LRRC47: variants seen among roughly 807,000 people sequenced by gnomAD.
LRRC47 encodes the protein leucine-rich repeat-containing protein 47.
A neutral mutation model predicts 40.9 loss-of-function variants in LRRC47; 31 were observed. That is an observed-to-expected ratio of 0.76 (90% CI 0.57 to 1.02). The LOEUF (loss-of-function observed/expected upper bound fraction) is 1.02, where lower values mean the gene tolerates loss of function less well. Among genes scored for constraint, LRRC47 ranks in the 50% least tolerant of loss-of-function variants. The pLI, the probability that LRRC47 is intolerant of heterozygous loss-of-function variation, is 0.00. For missense variants in LRRC47, 726 were observed against 796.1 expected, an observed-to-expected ratio of 0.91 and a Z score of 1.06; for synonymous variants, 427 against 371.9, an observed-to-expected ratio of 1.15 and a Z score of -1.70.
At chr1:3,784,276 T>C (rs1643549625) in intron 3 of LRRC47, 165 bp from the exon 4 acceptor site, 6 of 622,286 alleles carry the variant, frequency 9.6e-6, no homozygotes, top group African/African-American at 3.7e-5. Flanking sequence ...AGAAGCTGCA[T>C]GTGGGCTGCC....
rs1225125592 is a variant in LRRC47, at chr1:3,783,871, CT to C, written c.1310+124del. On this transcript the variant is annotated intron_variant, in intron 4 of 6. Coordinates refer to ENST00000378251, the MANE Select transcript of LRRC47 (RefSeq NM_020710.3). ...GGAAAGAGAATGCTTTCTTTGTACC[CT>C]GTTAAGAAGCTTCTGGGTTCTGGTA... is the stretch of plus-strand genomic sequence containing the variant. 5 of 717,068 alleles carry C rather than the reference CT, an allele frequency of 7.0e-6. 1 individual carries two copies. The South Asian group carries it at 7.3e-5, about 10-fold the overall frequency. The allele number at this position is 717,068 out of a possible 1,614,324, so 44.4% of individuals were successfully genotyped here.
At chr1:3,794,629 C>T (rs12750187) in intron 1 of LRRC47, among the ~76,000 whole-genome samples, 84,918 of 151,698 alleles carry the variant, frequency 0.56, 26,327 homozygotes, top group African/African-American at 0.83. Context: ...TGTGAGCCAC[C>T]GCGCCCGGCC....
At chr1:3,790,837 C>T (rs780228895) in intron 1 of LRRC47, among the ~76,000 whole-genome samples, 23 of 152,180 alleles carry the variant, frequency 1.5e-4, no homozygotes, top group Non-Finnish European at 2.6e-4. Context: ...GGAGCCAGGC[C>T]GAGCTGCTTC....
chr1:3,780,779 C>A lies in LRRC47; in HGVS notation c.*309G>T. ...GATCATGAGGTCAAGAGATCAAGAC[C>A]ATCCTGGTCAAAATGGTGAAACCCC... On this transcript the variant is annotated 3_prime_UTR_variant, in exon 7 of 7. Coordinates refer to ENST00000378251, the MANE Select transcript of LRRC47 (RefSeq NM_020710.3). The A allele has an allele frequency of 2.9e-6, 1 of 340,344 alleles. No individual in the cohort carries two copies. Among genetic ancestry groups the A allele is most frequent in the East Asian group, 7.1e-5 (1 of 14,132 alleles). 21.1% of individuals were successfully genotyped at this position (340,344 alleles called of 1,614,324 possible). A position where few individuals can be genotyped will look rare whatever the true frequency, so the allele number is the denominator to read the frequency against.
chr1:3,787,110 G>A lies in LRRC47; in HGVS notation c.816C>T (p.Ala272=), dbSNP rs372673516. The change falls in exon 2 of 7, where the codon GCC becomes GCT. Residue 272 remains alanine, a synonymous_variant. Coordinates refer to ENST00000378251, the MANE Select transcript of LRRC47 (RefSeq NM_020710.3). ...GRGGGKGKGR[A]EGSEKEESRR... is the part of the protein sequence containing the mutation. ...GGCTCTCTTCCTTCTCCGAGCCCTC[G>A]GCACGGCCCTTGCCCTTCCCGCCAC... 3.1e-5 allele frequency: 50 copies of A among 1,613,458 alleles called. No individual in the cohort carries two copies. The highest frequency in any genetic ancestry group is 8.8e-5 in the South Asian group (8 of 91,064).
chr1:3,792,998 C>T (rs1228390538), intron 1 of LRRC47, among the ~76,000 whole-genome samples: 1 of 152,206 alleles, frequency 6.6e-6, no homozygotes, highest in African/African-American at 2.4e-5. Flanking sequence ...TGCCAGTGAA[C>T]TCGCCTCTTC....
intron 2 of LRRC47, 25 bp from the exon 3 acceptor site, chr1:3,785,228 C>T (rs368745399): frequency 1.1e-5 from 16 of 1,488,224 alleles, no homozygotes; most frequent in African/African-American, 1.0e-4. Flanking sequence ...CAGTGATGAG[C>T]AAGGTCTCTT....
At position 3,796,035 on chromosome 1, in the gene LRRC47, G is replaced by T; in HGVS notation, c.442C>A (p.Leu148Met). ...GNRLRELPAD[L>M]ARCAPRLQSL... ...TGCAGGCGCGGGGCGCAGCGCGCCAGGTCGGCTGGCAGCTCGCGCAGCCGG... is the reference window on the plus strand; with the variant it reads ...TGCAGGCGCGGGGCGCAGCGCGCCATGTCGGCTGGCAGCTCGCGCAGCCGG... Residue 148 changes from leucine to methionine, a missense_variant, in exon 1 of 7, where the codon CTG becomes ATG. Transcript: ENST00000378251. The T allele has an allele frequency of 6.5e-7, 1 of 1,545,384 alleles. No individual in the cohort carries two copies.
rs1236370526 is a variant in LRRC47, at chr1:3,783,997, T to C, written c.1309A>G (p.Arg437Gly). 6 of 1,604,524 alleles carry C rather than the reference T, an allele frequency of 3.7e-6. No individual in the cohort carries two copies. Among genetic ancestry groups the C allele is most frequent in the Non-Finnish European group, 5.1e-6 (6 of 1,178,730 alleles). ...KKRQSVSGLH[R>G]YLHLLDGNEN... ...CACCCCACCAGGCACGCTGCCCACC[T>C]GTGCAGGCCCGACACACTCTGCCGC... Residue 437 changes from arginine to glycine, a missense_variant and splice_region_variant, in exon 4 of 7, where the codon AGA becomes GGA. Coordinates refer to ENST00000378251, the MANE Select transcript of LRRC47 (RefSeq NM_020710.3).
chr1:3,796,219 C>A lies in LRRC47; in HGVS notation c.258G>T (p.Ala86=). Residue 86 remains alanine (A), a synonymous_variant, in exon 1 of 7, where the codon GCG becomes GCT. Coordinates refer to ENST00000378251, the MANE Select transcript of LRRC47 (RefSeq NM_020710.3). The part of the protein sequence containing the change: ...QLHSLVLRRN[A]LGPGLSPELG... ...GCTCGGGGCTCAGGCCGGGCCCCAG[C>A]GCGTTGCGCCGCAGCACGAGGCTGT... 1 of 1,427,428 alleles carries A rather than the reference C, an allele frequency of 7.0e-7. No homozygotes were observed. Among genetic ancestry groups the A allele is most frequent in the Non-Finnish European group, 9.1e-7 (1 of 1,098,710 alleles). 88.4% of individuals were successfully genotyped at this position (1,427,428 alleles called of 1,614,324 possible).
chr1:3,791,580 C>T (rs1643627031), intron 1 of LRRC47, among the ~76,000 whole-genome samples: 1 of 152,220 alleles, frequency 6.6e-6, no homozygotes, highest in Non-Finnish European at 1.5e-5. Flanking sequence ...CCTCAGCTTC[C>T]CGAGTAGCTG....
In LRRC47 at chr1:3,781,026, G is replaced by T; in HGVS notation, c.*62C>A. The T allele has an allele frequency of 6.4e-7, 1 of 1,572,070 alleles. No homozygotes were observed. The highest frequency in any genetic ancestry group is 8.6e-7 in the Non-Finnish European group (1 of 1,158,622). ...GGGTGAAAATCTAACGGATAATTCAGCATTGCCGCATAGAAACCTCCGCAA... is the reference window on the plus strand; with the variant it reads ...GGGTGAAAATCTAACGGATAATTCATCATTGCCGCATAGAAACCTCCGCAA... On this transcript the variant is annotated 3_prime_UTR_variant, in exon 7 of 7. Coordinates refer to ENST00000378251, the MANE Select transcript of LRRC47 (RefSeq NM_020710.3).
chr1:3,795,061 A>C (rs1643660607), intron 1 of LRRC47, among the ~76,000 whole-genome samples: 1 of 151,780 alleles, frequency 6.6e-6, no homozygotes, highest in African/African-American at 2.4e-5. Flanking sequence ...CTCAAAAAAA[A>C]AAAAAAAAAA....
Position 3,796,027 on chromosome 1 carries a change from G to A in LRRC47, c.450C>T (p.Arg150=), listed in dbSNP as rs764903632. 3 of 1,548,094 alleles carry A rather than the reference G, an allele frequency of 1.9e-6. No homozygotes were observed. Among genetic ancestry groups the A allele is most frequent in the Non-Finnish European group, 2.6e-6 (3 of 1,148,738 alleles). Residue 150 remains arginine, a synonymous_variant, in exon 1 of 7, where the codon CGC becomes CGT. Transcript: ENST00000378251. ...RLRELPADLA[R]CAPRLQSLNL... is the part of the protein sequence containing the mutation. The stretch of plus-strand genomic sequence containing the variant: ...TGAGGCTCTGCAGGCGCGGGGCGCA[G>A]CGCGCCAGGTCGGCTGGCAGCTCGC...
chr1:3,787,768 A>G (rs190396682), intron 1 of LRRC47, among the ~76,000 whole-genome samples: 2 of 147,892 alleles, frequency 1.4e-5, no homozygotes, highest in Admixed American at 1.4e-4. Context: ...TAAATGAGCT[A>G]AAAAAAAAAT....
At chr1:3,794,430 T>C (rs879838912) in intron 1 of LRRC47, among the ~76,000 whole-genome samples, 2 of 151,758 alleles carry the variant, frequency 1.3e-5, no homozygotes, top group African/African-American at 2.4e-5. Context: ...CACTGCAACC[T>C]CCACTTCCTG....
Position 3,795,952 on chromosome 1 carries a change from G to A in LRRC47, c.525C>T (p.Pro175=), listed in dbSNP as rs777713458. 7 of 1,596,786 alleles carry A rather than the reference G, an allele frequency of 4.4e-6. No homozygotes were observed. The highest frequency in any genetic ancestry group is 1.1e-5 in the South Asian group (1 of 88,832). ...LDSFPAELFR[P]GALPLLSELA... ...GTTCACTGAGCAGGGGCAGCGCGCC[G>A]GGGCGAAAGAGCTCGGCGGGAAAGG... Residue 175 remains proline (P), a synonymous_variant, in exon 1 of 7, where the codon CCC becomes CCT. Transcript: ENST00000378251.
intron 3 of LRRC47, chr1:3,784,312 C>T (rs912672396): frequency 8.1e-5 from 46 of 567,950 alleles, no homozygotes; most frequent in East Asian, 7.5e-4. Flanking sequence ...GGAGACCTGA[C>T]GCCCAAACAC....
At chr1:3,789,639 T>C (rs1239623028) in intron 1 of LRRC47, among the ~76,000 whole-genome samples, 1 of 152,194 alleles carries the variant, frequency 6.6e-6, no homozygotes, top group Non-Finnish European at 1.5e-5. Flanking sequence ...AGAAAGGGCA[T>C]CTGAGCAGCT....
Sources: allele counts gnomAD v4.1 joint callset (sites outside exome capture counted in the v4.1 genomes callset), GRCh38; gene constraint gnomAD v4.1.1; transcripts MANE v1.5; gene names NCBI Gene and HGNC (gene_info 2026-07-23, HGNC 2026-07-21).